Variants in PDE4D observed in about 807,000 individuals in gnomAD.
PDE4D encodes the protein phosphodiesterase 4D.
In PDE4D, 24 loss-of-function variants were observed where a neutral mutation model predicts 87.4. The ratio of observed to expected loss-of-function variants is 0.27; its 90% confidence interval spans 0.20 to 0.39. The LOEUF is 0.39. PDE4D is among the 10% of genes least tolerant of loss of function. The probability of loss-of-function intolerance (pLI) is 1.00; values close to 1 mark genes in which losing one functional copy is unlikely to be tolerated. For synonymous variants in PDE4D, 384 were observed against 383.2 expected, an observed-to-expected ratio of 1.00 and a Z score of -0.02; for missense variants, 714 against 1,041.0, an observed-to-expected ratio of 0.69 and a Z score of 4.32.
intron 2 of PDE4D, among the ~76,000 whole-genome samples, chr5:60,139,249 G>A (rs1466861189): frequency 2.0e-5 from 3 of 152,036 alleles, no homozygotes; most frequent in Non-Finnish European, 4.4e-5. Context: ...GGAAGCTTAG[G>A]TTCATTACAT....
intron 1 of PDE4D, among the ~76,000 whole-genome samples, chr5:59,485,626 A>G (rs1355001305): frequency 6.6e-6 from 1 of 151,906 alleles, no homozygotes; most frequent in Non-Finnish European, 1.5e-5. Context: ...CAAATGTAAA[A>G]TAAGTTATAC....
In PDE4D at chr5:59,356,883, G is replaced by A. The variant is rs750974307; in HGVS notation, c.456-140915C>T. 3.0e-5 allele frequency: 46 copies of A among 1,521,296 alleles called. No homozygotes were observed. The East Asian group carries it at 8.9e-4, about 30-fold the overall frequency. The allele number at this position is 1,521,296 out of a possible 1,614,324, so 94.2% of individuals were successfully genotyped here. On this transcript the variant is annotated intron_variant, in intron 1 of 14. Coordinates refer to ENST00000340635, the MANE Select transcript of PDE4D (RefSeq NM_001104631.2). Reference sequence around the variant, plus strand: ...ATGCCAAGATCCCCAGGAACCACGAGAAGTCAGAGCTGGTGCGGGGCTCTG... The same window carrying A: ...ATGCCAAGATCCCCAGGAACCACGAAAAGTCAGAGCTGGTGCGGGGCTCTG...
At chr5:60,255,103 A>C (rs1748900142) in intron 1 of PDE4D, among the ~76,000 whole-genome samples, 2 of 151,914 alleles carry the variant, frequency 1.3e-5, no homozygotes, top group African/African-American at 4.8e-5. Flanking sequence ...TTTAGTAACC[A>C]TCTCTTCATA....
intron 1 of PDE4D, among the ~76,000 whole-genome samples, chr5:59,443,104 A>C (rs1487813155): frequency 6.6e-6 from 1 of 152,234 alleles, no homozygotes; most frequent in Non-Finnish European, 1.5e-5. Context: ...TAAACACAAT[A>C]AATTCTCAGT....
chr5:60,165,698 T>A (rs1421264658), intron 2 of PDE4D, among the ~76,000 whole-genome samples: 1 of 149,508 alleles, frequency 6.7e-6, no homozygotes, highest in Non-Finnish European at 1.5e-5. Flanking sequence ...AACATTATTA[T>A]ATATAAATAT....
At chr5:59,362,595 T>C (rs979418724) in intron 1 of PDE4D, among the ~76,000 whole-genome samples, 6 of 152,264 alleles carry the variant, frequency 3.9e-5, no homozygotes, top group East Asian at 1.9e-4. Context: ...CTCCTAAATA[T>C]AGAAATGTTT....
intron 1 of PDE4D, among the ~76,000 whole-genome samples, chr5:59,796,784 C>A (rs1581153357): frequency 1.3e-5 from 2 of 152,092 alleles, no homozygotes; most frequent in East Asian, 3.9e-4. Flanking sequence ...TTGAAAACAG[C>A]ATAATATTTA....
intron 1 of PDE4D, among the ~76,000 whole-genome samples, chr5:59,330,140 A>G (rs1261823470): frequency 2.6e-5 from 4 of 152,178 alleles, no homozygotes; most frequent in African/African-American, 4.8e-5. Context: ...AATTCATGCA[A>G]ACACCTCAGT....
chr5:60,043,677 T>G (rs1768797092), intron 2 of PDE4D, among the ~76,000 whole-genome samples: 1 of 151,960 alleles, frequency 6.6e-6, no homozygotes, highest in Non-Finnish European at 1.5e-5. Flanking sequence ...TTTTTAAGGT[T>G]AAGGAATATT....
At position 59,036,159 on chromosome 5, in the gene PDE4D, A is replaced by C. The variant is rs544612346; in HGVS notation, c.921+2700T>G. Among the ~76,000 whole-genome samples, 3 of 152,316 alleles carry C rather than the reference A, an allele frequency of 2.0e-5. 1 individual carries two copies. The highest frequency in any genetic ancestry group is 7.2e-5 in the African/African-American group (3 of 41,584). On this transcript the variant is annotated intron_variant, in intron 6 of 14. Transcript: ENST00000340635. ...CCAGTTTGTTAAATGGGTTTGAGGA[A>C]TCAGTTTCCTCCTTCCTAATACCTA... is the stretch of plus-strand genomic sequence containing the variant.
intron 1 of PDE4D, among the ~76,000 whole-genome samples, chr5:59,698,765 C>T (rs1017678516): frequency 3.3e-5 from 5 of 152,132 alleles, no homozygotes; most frequent in African/African-American, 7.2e-5. Flanking sequence ...CAACATTCTG[C>T]GCTGAAGACC....
chr5:59,465,598 A>C (rs954776816), intron 1 of PDE4D, among the ~76,000 whole-genome samples: 1 of 152,136 alleles, frequency 6.6e-6, no homozygotes, highest in Non-Finnish European at 1.5e-5. Flanking sequence ...TCTTCTCATC[A>C]TTATTTACCC....
intron 2 of PDE4D, among the ~76,000 whole-genome samples, chr5:60,006,749 T>C (rs1764535497): frequency 6.6e-6 from 1 of 151,998 alleles, no homozygotes; most frequent in African/African-American, 2.4e-5. Flanking sequence ...AACCATTAAG[T>C]ATCCATTAAC....
intron 1 of PDE4D, among the ~76,000 whole-genome samples, chr5:59,289,087 TTAAA>T (rs1767522154): frequency 1.3e-5 from 2 of 152,082 alleles, no homozygotes; most frequent in African/African-American, 4.8e-5. Flanking sequence ...AACTCATATC[TTAAA>T]TAGAAAGAAT....
intron 3 of PDE4D, among the ~76,000 whole-genome samples, chr5:59,191,232 A>G (rs1744224240): frequency 6.6e-6 from 1 of 152,152 alleles, no homozygotes; most frequent in Admixed American, 6.5e-5. Context: ...GAAAATATCT[A>G]ATCAGGTAAA....
At chr5:60,178,674 G>A (rs1582980919) in intron 2 of PDE4D, among the ~76,000 whole-genome samples, 1 of 152,266 alleles carries the variant, frequency 6.6e-6, no homozygotes, top group East Asian at 1.9e-4. Flanking sequence ...ACAATAAGCA[G>A]AGATGATGAC....
chr5:59,168,540 A>G (rs1004912481), intron 5 of PDE4D, among the ~76,000 whole-genome samples: 2 of 152,198 alleles, frequency 1.3e-5, no homozygotes, highest in Non-Finnish European at 2.9e-5. Context: ...ATAACTATAG[A>G]GAGTTTTTAG....
At chr5:60,330,180 T>C (rs1364153993) in intron 1 of PDE4D, among the ~76,000 whole-genome samples, 1 of 150,774 alleles carries the variant, frequency 6.6e-6, no homozygotes, top group South Asian at 2.1e-4. Flanking sequence ...ATGCTAGAAC[T>C]TTTTTGAAAA....
intron 1 of PDE4D, chr5:60,185,835 C>A: frequency 3.4e-6 from 1 of 293,738 alleles, no homozygotes; most frequent in Non-Finnish European, 6.3e-6. Context: ...AAAAAGTATA[C>A]ATAAGCAACA....
Sources: allele counts gnomAD v4.1 joint callset (sites outside exome capture counted in the v4.1 genomes callset), GRCh38; gene constraint gnomAD v4.1.1; transcripts MANE v1.5; gene names NCBI Gene and HGNC (gene_info 2026-07-23, HGNC 2026-07-21).